Variants in SLC25A12 observed in about 807,000 individuals in gnomAD.
SLC25A12 encodes solute carrier family 25 member 12.
In SLC25A12, 32 loss-of-function variants were observed where a neutral mutation model predicts 83.3. The observed-to-expected ratio is 0.38, with a 90% confidence interval of 0.29 to 0.52. The LOEUF (loss-of-function observed/expected upper bound fraction) is 0.52. Ranked by LOEUF, SLC25A12 falls within the 20% of genes least tolerant of loss-of-function variation. The pLI is 0.84. For synonymous variants in SLC25A12, 267 were observed against 291.1 expected, an observed-to-expected ratio of 0.92 and a Z score of 0.84; for missense variants, 611 against 835.6, an observed-to-expected ratio of 0.73 and a Z score of 3.31.
chr2:171,874,853 G>A (rs910508626), intron 2 of SLC25A12, among the ~76,000 whole-genome samples: 2 of 152,160 alleles, frequency 1.3e-5, no homozygotes, highest in African/African-American at 4.8e-5. Flanking sequence ...GGAGAACAGG[G>A]TCTGGAGGCC....
At chr2:171,856,468 T>C (rs1350459282) in intron 3 of SLC25A12, 3 of 153,710 alleles carry the variant, frequency 2.0e-5, no homozygotes, top group Admixed American at 6.5e-5. Flanking sequence ...TATTCACTAA[T>C]TTACAGAAAA....
intron 13 of SLC25A12, among the ~76,000 whole-genome samples, chr2:171,803,423 T>C (rs144649343): frequency 4.7e-4 from 72 of 152,244 alleles, no homozygotes; most frequent in Admixed American, 2.8e-3. Flanking sequence ...ATCTAGAATA[T>C]ACAAAGAACT....
At chr2:171,825,860 A>C (rs1021938806) in intron 9 of SLC25A12, among the ~76,000 whole-genome samples, 2 of 152,258 alleles carry the variant, frequency 1.3e-5, no homozygotes, top group African/African-American at 2.4e-5. Flanking sequence ...TCTTCAAGGT[A>C]ATTTCATGGA....
Position 171,855,850 on chromosome 2 carries a change from A to G in SLC25A12, c.309T>C (p.Asn103=), listed in dbSNP as rs776954799. The change falls in exon 4 of 18, where the codon AAT becomes AAC. Residue 103 remains asparagine, a synonymous_variant. Coordinates refer to ENST00000422440, the MANE Select transcript of SLC25A12 (RefSeq NM_003705.5). The part of the protein sequence containing the change: ...VAFQLFDKSG[N]GEVTFENVKE... ...TTCCCTTACCAAATGTCACCTCTCC[A>G]TTTCCACTCTTGTCAAACAACTGGA... 1.4e-5 allele frequency: 22 copies of G among 1,605,486 alleles called. No individual in the cohort carries two copies. Among genetic ancestry groups the G allele is most frequent in the Non-Finnish European group, 1.8e-5 (21 of 1,172,140 alleles).
At chr2:171,807,106 A>C (rs1484997333) in intron 13 of SLC25A12, among the ~76,000 whole-genome samples, 1 of 152,352 alleles carries the variant, frequency 6.6e-6, no homozygotes, top group African/African-American at 2.4e-5. Context: ...GCATAACTGA[A>C]TTTGTCAGTA....
chr2:171,862,984 C>A (rs777674648), intron 3 of SLC25A12, among the ~76,000 whole-genome samples: 1 of 152,164 alleles, frequency 6.6e-6, no homozygotes, highest in Non-Finnish European at 1.5e-5. Flanking sequence ...ACTGCAGCCA[C>A]AAACACTTGG....
chr2:171,888,528 G>A (rs1360497640), intron 2 of SLC25A12, among the ~76,000 whole-genome samples: 3 of 151,956 alleles, frequency 2.0e-5, no homozygotes, highest in Non-Finnish European at 2.9e-5. Context: ...TGCAACCCCC[G>A]CTTCCCGGGT....
intron 8 of SLC25A12, among the ~76,000 whole-genome samples, chr2:171,831,029 G>A (rs1489874513): frequency 6.6e-6 from 1 of 152,260 alleles, no homozygotes; most frequent in Non-Finnish European, 1.5e-5. Context: ...CCACACAAGT[G>A]CATCAGTGAC....
chr2:171,867,545 A>G (rs1196575546), intron 3 of SLC25A12, among the ~76,000 whole-genome samples: 1 of 152,076 alleles, frequency 6.6e-6, no homozygotes, highest in African/African-American at 2.4e-5. Flanking sequence ...TCAGGCAGGG[A>G]GGTTGCAGTG....
intron 9 of SLC25A12, among the ~76,000 whole-genome samples, chr2:171,820,808 T>A (rs1381409752): frequency 6.6e-6 from 1 of 151,602 alleles, no homozygotes; most frequent in Non-Finnish European, 1.5e-5. Flanking sequence ...AACCTGGTTT[T>A]AATATCCAAA....
chr2:171,800,348 C>CACACAT (rs1491049106), intron 13 of SLC25A12, among the ~76,000 whole-genome samples: 33 of 148,506 alleles, frequency 2.2e-4, no homozygotes, highest in African/African-American at 8.1e-4. Flanking sequence ...CACACACACA[C>CACACAT]ATATACGAAT....
chr2:171,837,349 A>G, intron 5 of SLC25A12, 82 bp from the exon 6 acceptor site: 1 of 1,402,522 alleles, frequency 7.1e-7, no homozygotes, highest in Non-Finnish European at 1.0e-6. Flanking sequence ...AAGGACAGAT[A>G]TCCTTCCCAC....
chr2:171,880,685 T>C (rs969339937), intron 2 of SLC25A12, among the ~76,000 whole-genome samples: 3 of 152,182 alleles, frequency 2.0e-5, no homozygotes, highest in Non-Finnish European at 2.9e-5. Flanking sequence ...TAGTTCCCAA[T>C]AGTTTTTCCA....
At chr2:171,867,049 A>T (rs1685339497) in intron 3 of SLC25A12, among the ~76,000 whole-genome samples, 1 of 146,312 alleles carries the variant, frequency 6.8e-6, no homozygotes, top group African/African-American at 2.6e-5. Flanking sequence ...GGTGGGGCAG[A>T]GGCGCTCCCC....
intron 5 of SLC25A12, among the ~76,000 whole-genome samples, chr2:171,842,581 C>T (rs1358630126): frequency 3.3e-5 from 5 of 151,770 alleles, no homozygotes; most frequent in South Asian, 2.1e-4. Context: ...ATAACAAGAG[C>T]GAAATTCTGT....
At chr2:171,852,999 A>G (rs1684964249) in intron 4 of SLC25A12, among the ~76,000 whole-genome samples, 1 of 152,218 alleles carries the variant, frequency 6.6e-6, no homozygotes, top group East Asian at 1.9e-4. Context: ...AATCCAGAAC[A>G]GAAACAGGGT....
At chr2:171,788,578 C>G (rs1290872340) in intron 15 of SLC25A12, 1 of 154,420 alleles carries the variant, frequency 6.5e-6, no homozygotes, top group African/African-American at 2.4e-5. Flanking sequence ...GCCCCTGTGC[C>G]CGAGCTCCCT....
chr2:171,845,285 A>G (rs1188759249), intron 4 of SLC25A12, among the ~76,000 whole-genome samples: 3 of 152,150 alleles, frequency 2.0e-5, no homozygotes, highest in Non-Finnish European at 4.4e-5. Context: ...CGTTATTTAC[A>G]TTCTTACAGA....
At chr2:171,840,244 G>A (rs1684643833) in intron 5 of SLC25A12, among the ~76,000 whole-genome samples, 1 of 152,018 alleles carries the variant, frequency 6.6e-6, no homozygotes, top group South Asian at 2.1e-4. Context: ...AATTAGGCAG[G>A]CATGGTGGCA....
Sources: gnomAD v4.1 joint callset for allele counts (sites outside exome capture counted in the v4.1 genomes callset) on GRCh38, gnomAD v4.1.1 for gene constraint, MANE v1.5 for transcripts, NCBI Gene and HGNC (gene_info 2026-07-23, HGNC 2026-07-21) for gene names.